The following AGMO variants were observed in gnomAD, a reference collection of about 807,000 sequenced individuals.
AGMO encodes the protein alkylglycerol monooxygenase, also known as glyceryl-ether monooxygenase.
Under a neutral mutation model 60.2 loss-of-function variants are expected in AGMO, and 75 were observed. The observed-to-expected ratio is 1.25, with a 90% confidence interval of 1.03 to 1.51. The LOEUF (loss-of-function observed/expected upper bound fraction) is 1.51, where lower values mean the gene tolerates loss of function less well. Ranked by LOEUF, AGMO falls within the 40% of genes most tolerant of loss-of-function variation. AGMO has a pLI of 0.00. For missense variants in AGMO, 763 were observed against 525.5 expected, an observed-to-expected ratio of 1.45 and a Z score of -4.42; for synonymous variants, 261 against 177.1, an observed-to-expected ratio of 1.47 and a Z score of -3.76.
chr7:15,173,661 T>C, the AGMO span, among the ~76,000 whole-genome samples: 1 of 152,074 alleles, frequency 6.6e-6, no homozygotes, highest in African/African-American at 2.4e-5. Flanking sequence ...TATAGAATCA[T>C]AACCATATAC....
chr7:15,280,811 C>T (rs553336114), intron 12 of AGMO, among the ~76,000 whole-genome samples: 1 of 152,296 alleles, frequency 6.6e-6, no homozygotes, highest in African/African-American at 2.4e-5. Context: ...GTCCATGTGA[C>T]CAGTTCATTA....
At chr7:15,223,678 G>C (rs1275441346) in intron 12 of AGMO, among the ~76,000 whole-genome samples, 1 of 151,906 alleles carries the variant, frequency 6.6e-6, no homozygotes, top group Non-Finnish European at 1.5e-5. Flanking sequence ...GCTACATGAA[G>C]AAGTCTTCTC....
intron 12 of AGMO, among the ~76,000 whole-genome samples, chr7:15,349,536 T>C (rs974303593): frequency 2.6e-5 from 4 of 152,132 alleles, no homozygotes; most frequent in Non-Finnish European, 2.9e-5. Context: ...AAAAATCTCA[T>C]AGACCCAATA....
At chr7:15,526,847 T>C (rs1042875226) in intron 3 of AGMO, among the ~76,000 whole-genome samples, 35 of 152,204 alleles carry the variant, frequency 2.3e-4, no homozygotes, top group African/African-American at 8.0e-4. Context: ...CACACACTGG[T>C]AATTCACACA....
At chr7:15,507,078 A>G (rs535502781) in intron 3 of AGMO, among the ~76,000 whole-genome samples, 21 of 152,204 alleles carry the variant, frequency 1.4e-4, no homozygotes, top group South Asian at 4.1e-4. Flanking sequence ...GAAAGGAATA[A>G]CATATTTATG....
At chr7:15,215,617 T>G (rs1281196128) in intron 12 of AGMO, among the ~76,000 whole-genome samples, 1 of 152,100 alleles carries the variant, frequency 6.6e-6, no homozygotes, top group African/African-American at 2.4e-5. Flanking sequence ...TGAATCTAAT[T>G]CCTGCTGATA....
At chr7:15,194,542 ACTT>A in the AGMO span, among the ~76,000 whole-genome samples, 5 of 152,158 alleles carry the variant, frequency 3.3e-5, no homozygotes, top group Non-Finnish European at 5.9e-5. Context: ...AGATGCTGAT[ACTT>A]CTTCAGCACA....
Position 15,494,036 on chromosome 7 carries a change from A to G in AGMO, c.409+50736T>C, listed in dbSNP as rs529789342. Among the ~76,000 whole-genome samples the G allele has an allele frequency of 2.3e-4, 35 of 152,244 alleles. 1 individual carries two copies. The East Asian group carries it at 6.4e-3, about 28-fold the overall frequency. On this transcript the variant is annotated intron_variant, in intron 3 of 12. Coordinates refer to ENST00000342526, the MANE Select transcript of AGMO (RefSeq NM_001004320.2). The stretch of plus-strand genomic sequence containing the variant: ...ACTCTATTAGTTCTTTTTAAATTTA[A>G]TGTATATTTCTTATTTCCTCCTTGA...
At chr7:15,157,138 C>T in the AGMO span, among the ~76,000 whole-genome samples, 1 of 152,236 alleles carries the variant, frequency 6.6e-6, no homozygotes, top group East Asian at 1.9e-4. Flanking sequence ...CAAACATTTA[C>T]TATGTGCCTG....
chr7:15,548,168 A>C (rs1167858706), intron 2 of AGMO, among the ~76,000 whole-genome samples: 1 of 152,150 alleles, frequency 6.6e-6, no homozygotes, highest in African/African-American at 2.4e-5. Flanking sequence ...CCATCTGTAC[A>C]TCACCGTCAT....
intron 3 of AGMO, among the ~76,000 whole-genome samples, chr7:15,460,109 T>C (rs898292997): frequency 5.3e-5 from 8 of 150,286 alleles, no homozygotes; most frequent in African/African-American, 2.0e-4. Context: ...ATTTCCCCTT[T>C]TTTTTTTGTT....
At position 15,387,438 on chromosome 7, in the gene AGMO, G is replaced by A; in HGVS notation, c.925C>T (p.Pro309Ser). 1.2e-6 allele frequency: 2 copies of A among 1,613,942 alleles called. No individual in the cohort carries two copies. The highest frequency in any genetic ancestry group is 1.1e-5 in the South Asian group (1 of 91,056). Residue 309 changes from proline (P) to serine (S), a missense_variant, in exon 9 of 13, where the codon CCA (proline) becomes TCA (serine). Transcript: ENST00000342526. The stretch of plus-strand genomic sequence containing the variant: ...ATTTCTTCACTGAGACCAAGTCTTG[G>A]TTTACCTGGACCCCATCCCGGTCCC... ...FKGPGWGPGK[P>S]RLGLSEEIPE...
At chr7:15,520,259 A>T (rs1783943881) in intron 3 of AGMO, among the ~76,000 whole-genome samples, 1 of 152,132 alleles carries the variant, frequency 6.6e-6, no homozygotes. Flanking sequence ...GGAGACTTTA[A>T]CACCCCATTG....
intron 3 of AGMO, among the ~76,000 whole-genome samples, chr7:15,466,076 TC>T (rs1562521502): frequency 6.6e-6 from 1 of 152,102 alleles, no homozygotes; most frequent in African/African-American, 2.4e-5. Context: ...TCCTTAGGGA[TC>T]TCATGTTTTA....
the AGMO span, among the ~76,000 whole-genome samples, chr7:15,145,396 T>A: frequency 6.1e-3 from 923 of 152,142 alleles, 6 homozygotes; most frequent in African/African-American, 0.021. Context: ...ATGAATACAA[T>A]AAAACTAAAT....
intron 12 of AGMO, among the ~76,000 whole-genome samples, chr7:15,233,662 G>A (rs976326216): frequency 5.3e-5 from 8 of 152,140 alleles, no homozygotes; most frequent in African/African-American, 1.9e-4. Context: ...GGATTTAGGA[G>A]CAAAGCGATT....
chr7:15,560,409 G>A, intron 1 of AGMO, 138 bp from the exon 2 acceptor site: 1 of 796,354 alleles, frequency 1.3e-6, no homozygotes, highest in Non-Finnish European at 1.9e-6. Context: ...CATTTTAGAG[G>A]ATTACTTCCT....
In AGMO at chr7:15,560,183, G is replaced by T; in HGVS notation, c.215C>A (p.Ala72Asp). Residue 72 changes from alanine to aspartate, a missense_variant, in exon 2 of 13, where the codon GCT becomes GAT. By Grantham distance (126) the Ala-to-Asp change is moderately radical (BLOSUM62 -2). Coordinates refer to ENST00000342526, the MANE Select transcript of AGMO (RefSeq NM_001004320.2). ...KGKPPGRLDD[A>D]LTSISAGVLS... ...AACACCAGCTGAGATTGACGTTAAA[G>T]CATCATCCAGGCGACCTGGTGGCTT... The T allele has an allele frequency of 6.2e-7, 1 of 1,613,130 alleles. No homozygotes were observed. Among genetic ancestry groups the T allele is most frequent in the Non-Finnish European group, 8.5e-7 (1 of 1,179,312 alleles).
At chr7:15,557,208 A>G (rs1241344937) in intron 2 of AGMO, among the ~76,000 whole-genome samples, 1 of 152,112 alleles carries the variant, frequency 6.6e-6, no homozygotes, top group Non-Finnish European at 1.5e-5. Flanking sequence ...GCGAAGTGGA[A>G]AAACACGTTC....
Sources: allele counts gnomAD v4.1 joint callset (sites outside exome capture counted in the v4.1 genomes callset), GRCh38; gene constraint gnomAD v4.1.1; transcripts MANE v1.5; gene names NCBI Gene and HGNC (gene_info 2026-07-23, HGNC 2026-07-21).